WASHC2A: variants seen among roughly 807,000 people sequenced by gnomAD.
WASHC2A encodes WASH complex subunit 2A.
A neutral mutation model predicts 140.3 loss-of-function variants in WASHC2A; 82 were observed. The observed-to-expected ratio is 0.58, with a 90% CI of 0.49 to 0.70. WASHC2A has a LOEUF of 0.70. Among genes scored for constraint, WASHC2A ranks in the 30% least tolerant of loss-of-function variants. The pLI, the probability that WASHC2A is intolerant of heterozygous loss-of-function variation, is 0.00. For missense variants in WASHC2A, 985 were observed against 1,521.8 expected (o/e 0.65, Z 5.87); for synonymous variants, 340 against 560.8 (o/e 0.61, Z 5.56).
At chr10:50,076,174 T>C (rs1433356058) in intron 3 of WASHC2A, among the ~76,000 whole-genome samples, 1 of 152,160 alleles carries the variant, frequency 6.6e-6, no homozygotes, top group Non-Finnish European at 1.5e-5. Flanking sequence ...GATCCCAAAG[T>C]GCTGGGATTA....
At chr10:50,132,449 C>T (rs1844059759) in intron 30 of WASHC2A, among the ~76,000 whole-genome samples, 1 of 152,228 alleles carries the variant, frequency 6.6e-6, no homozygotes, top group Non-Finnish European at 1.5e-5. Context: ...ATTTTTATTG[C>T]TCTTTTAAAA....
chr10:50,103,174 G>A (rs1402864800), intron 17 of WASHC2A, among the ~76,000 whole-genome samples: 8 of 151,828 alleles, frequency 5.3e-5, no homozygotes, highest in Non-Finnish European at 8.8e-5. Flanking sequence ...AATCTATCAG[G>A]TCTTATCCTG....
intron 20 of WASHC2A, among the ~76,000 whole-genome samples, chr10:50,113,067 C>T (rs1256946830): frequency 6.6e-6 from 1 of 152,164 alleles, no homozygotes; most frequent in Admixed American, 6.5e-5. Flanking sequence ...TTGAAGTACG[C>T]ACTTTAAAAG....
chr10:50,126,275 A>G, intron 26 of WASHC2A, 96 bp downstream of exon 26: 1 of 1,606,230 alleles, frequency 6.2e-7, no homozygotes, highest in Non-Finnish European at 8.5e-7. Flanking sequence ...ACTTGTCTGC[A>G]TTAAGGAGGA....
chr10:50,076,785 C>T (rs1269170914), intron 3 of WASHC2A, among the ~76,000 whole-genome samples: 45 of 150,990 alleles, frequency 3.0e-4, no homozygotes, highest in South Asian at 8.4e-4. Flanking sequence ...TTGAGACCAG[C>T]CTGGCCAACA....
intron 27 of WASHC2A, 89 bp downstream of exon 27, chr10:50,127,311 A>G: frequency 5.0e-6 from 8 of 1,607,664 alleles, no homozygotes; most frequent in Non-Finnish European, 6.8e-6. Context: ...GCTGCCAAGC[A>G]TCTTCTCATC....
chr10:50,090,085 G>A (rs1267223974), intron 8 of WASHC2A, among the ~76,000 whole-genome samples: 1 of 151,616 alleles, frequency 6.6e-6, no homozygotes, highest in African/African-American at 2.4e-5. Flanking sequence ...ACTTCAGCCT[G>A]GGCAAAAAGA....
intron 3 of WASHC2A, among the ~76,000 whole-genome samples, chr10:50,073,971 C>A (rs2610497): frequency 0.68 from 7,394 of 10,892 alleles, 3,307 homozygotes; most frequent in East Asian, 1. Flanking sequence ...TTAACAACAA[C>A]TATATTTGAG....
Position 50,069,629 on chromosome 10 carries a change from G to A in WASHC2A, c.209G>A (p.Arg70Gln). The change falls in exon 3 of 31, where the codon CGG becomes CAG. Residue 70 changes from arginine (R) to glutamine (Q), a missense_variant. Arg to Gln is a conservative substitution (Grantham distance 43). Transcript: ENST00000282633. ...EIKKQVDGLIRETKATDCRLH... is the reference protein window; with the variant it reads ...EIKKQVDGLIQETKATDCRLH... ...AAGAAACAAGTGGACGGACTAATTC[G>A]GGAAACCAAAGCCACAGATTGTCGC... The A allele has an allele frequency of 1.2e-6, 2 of 1,613,918 alleles. No homozygotes were observed. The highest frequency in any genetic ancestry group is 1.7e-6 in the Non-Finnish European group (2 of 1,179,854).
chr10:50,071,474 T>A (rs1837807506), intron 3 of WASHC2A, among the ~76,000 whole-genome samples: 1 of 151,864 alleles, frequency 6.6e-6, no homozygotes, highest in South Asian at 2.1e-4. Context: ...CCTGGCTAAT[T>A]TTTTGTATTT....
chr10:50,097,307 A>G (rs1840578050), intron 15 of WASHC2A, among the ~76,000 whole-genome samples: 1 of 151,836 alleles, frequency 6.6e-6, no homozygotes, highest in Non-Finnish European at 1.5e-5. Flanking sequence ...ACAGGAGCCA[A>G]GCCTTCATTT....
intron 8 of WASHC2A, among the ~76,000 whole-genome samples, chr10:50,088,716 T>C (rs1220888161): frequency 3.1e-4 from 37 of 118,406 alleles, no homozygotes; most frequent in Middle Eastern, 3.6e-3. Flanking sequence ...GGGGTGATTA[T>C]TTTAAATTTC....
intron 16 of WASHC2A, 22 bp from the exon 17 acceptor site, chr10:50,099,956 C>CT (rs782564892): frequency 1.3e-6 from 1 of 756,848 alleles, no homozygotes; most frequent in Non-Finnish European, 1.9e-6. Context: ...CTTCCCCACC[C>CT]CCCCCCCCAC....
intron 28 of WASHC2A, 92 bp downstream of exon 28, chr10:50,127,887 CTTTGACTCTCCT>C (rs1843577449): frequency 7.5e-7 from 1 of 1,336,686 alleles, no homozygotes; most frequent in Admixed American, 2.0e-5. Flanking sequence ...ACACAGCAGT[CTTTGACTCTCCT>C]TTTGAAGGAG....
At chr10:50,081,883 T>A (rs1195384385) in intron 5 of WASHC2A, among the ~76,000 whole-genome samples, 1 of 152,178 alleles carries the variant, frequency 6.6e-6, no homozygotes, top group African/African-American at 2.4e-5. Context: ...TCCGCCTGCC[T>A]TGGCCTCCCA....
chr10:50,090,442 G>T (rs878961558), intron 8 of WASHC2A, among the ~76,000 whole-genome samples: 2 of 145,422 alleles, frequency 1.4e-5, no homozygotes, highest in East Asian at 2.0e-4. Context: ...GGCAGAGGTT[G>T]CAGTGAGCCG....
intron 28 of WASHC2A, 45 bp from the exon 29 acceptor site, chr10:50,129,374 C>T (rs770373699): frequency 1.2e-6 from 2 of 1,612,036 alleles, no homozygotes; most frequent in South Asian, 1.1e-5. Context: ...GCTTTGAACA[C>T]TTTATTTTAT....
intron 23 of WASHC2A, among the ~76,000 whole-genome samples, chr10:50,120,043 G>A (rs2132996800): frequency 1.5e-5 from 2 of 137,242 alleles, no homozygotes; most frequent in East Asian, 5.3e-4. Flanking sequence ...CCCTTGGCCA[G>A]TTGTGGGATG....
chr10:50,087,308 A>G lies in WASHC2A; in HGVS notation c.718A>G (p.Asn240Asp), dbSNP rs1401990447. The G allele has an allele frequency of 1.2e-6, 2 of 1,613,986 alleles. No individual in the cohort carries two copies. The highest frequency in any genetic ancestry group is 1.3e-5 in the African/African-American group (1 of 75,052). ...SDEDFAHHSD[N>D]EQNRHTTQMS... ...TGAAGATTTTGCCCATCATAGTGAC[A>G]ATGAACAAAACCGGGTAAGGCTCAT... Residue 240 changes from asparagine (N) to aspartate (D), a missense_variant, in exon 8 of 31, where the codon AAT becomes GAT. Physicochemically the swap from Asn to Asp is conservative, Grantham distance 23. Transcript: ENST00000282633.
Sources: allele counts gnomAD v4.1 joint callset (sites outside exome capture counted in the v4.1 genomes callset), GRCh38; gene constraint gnomAD v4.1.1; transcripts MANE v1.5; gene names NCBI Gene and HGNC (gene_info 2026-07-23, HGNC 2026-07-21).